MTERF4: variants seen among roughly 807,000 people sequenced by gnomAD.
MTERF4 encodes mitochondrial transcription termination factor 4.
A neutral mutation model predicts 22.5 loss-of-function variants in MTERF4; 17 were observed. The ratio of observed to expected loss-of-function variants is 0.75; its 90% confidence interval spans 0.52 to 1.13. The LOEUF is 1.13. Among genes scored for constraint, MTERF4 ranks in the 50% most tolerant of loss-of-function variants. The probability of loss-of-function intolerance (pLI) is 0.00; values close to 1 mark genes in which losing one functional copy is unlikely to be tolerated. For synonymous variants in MTERF4, 165 were observed against 175.3 expected, an observed-to-expected ratio of 0.94 and a Z score of 0.47; for missense variants, 420 against 466.8, an observed-to-expected ratio of 0.90 and a Z score of 0.92.
chr2:241,061,782 G>A, the MTERF4 span, among the ~76,000 whole-genome samples: 1 of 151,668 alleles, frequency 6.6e-6, no homozygotes, highest in Non-Finnish European at 1.5e-5. Flanking sequence ...CTACTCGGGA[G>A]GCGGAGGTTG....
At chr2:241,090,595 CAAACACAA>C, downstream of MTERF4, 2 of 979,252 alleles carry the variant, frequency 2.0e-6, no homozygotes, top group Middle Eastern at 3.6e-4. Flanking sequence ...AGCATCACCA[CAAACACAA>C]AAAGAATTAT....
At chr2:241,077,557 C>A (rs1027069892) in intron 4 of MTERF4, among the ~76,000 whole-genome samples, 1 of 152,008 alleles carries the variant, frequency 6.6e-6, no homozygotes, top group Non-Finnish European at 1.5e-5. Flanking sequence ...GCTCTGACAA[C>A]TGAACAATAA....
chr2:241,071,431 C>T (rs1216606189), downstream of MTERF4: 3 of 926,002 alleles, frequency 3.2e-6, no homozygotes, highest in Non-Finnish European at 4.9e-6. Flanking sequence ...GCCACAAGCA[C>T]CTTGGATGAC....
chr2:241,069,697 A>G (rs1039981973), downstream of MTERF4, among the ~76,000 whole-genome samples: 2 of 151,942 alleles, frequency 1.3e-5, no homozygotes, highest in Non-Finnish European at 2.9e-5. The surrounding 1 kb of genome is among the most constrained non-coding windows in gnomAD (Gnocchi z 4.9). Flanking sequence ...GGTGGATCCT[A>G]ACCCGAGGGG....
rs139329946 is a variant in MTERF4, at chr2:241,078,769, T to C, written n.480-3087A>G. 1.3e-3 allele frequency among the ~76,000 whole-genome samples: 199 copies of C among 151,866 alleles called. 9 individuals are homozygous for C. Among genetic ancestry groups the C allele is most frequent in the African/African-American group, 4.5e-3 (187 of 41,170 alleles). On this transcript the variant is annotated intron_variant and non_coding_transcript_variant, in intron 4 of 4. Transcript: ENST00000464344. Reference sequence around the variant, plus strand: ...GCTTAAAACCAATAAATTGTACACTTTGGGTGAATTTTATGTTATATGAAT... The same window carrying C: ...GCTTAAAACCAATAAATTGTACACTCTGGGTGAATTTTATGTTATATGAAT...
At chr2:241,089,818 A>T (rs1180816860), downstream of MTERF4, among the ~76,000 whole-genome samples, 1 of 152,278 alleles carries the variant, frequency 6.6e-6, no homozygotes, top group Non-Finnish European at 1.5e-5. Flanking sequence ...GGCACCGCGT[A>T]CTGCGCACCT....
chr2:241,064,351 C>G, the MTERF4 span, among the ~76,000 whole-genome samples: 1 of 152,156 alleles, frequency 6.6e-6, no homozygotes, highest in Non-Finnish European at 1.5e-5. The surrounding 1 kb of genome is among the most constrained non-coding windows in gnomAD (Gnocchi z 7.0). Flanking sequence ...TGCGCTCACC[C>G]CCCAGACACC....
At chr2:241,088,278 TCAGCAGG>T (rs2063687714), downstream of MTERF4, 1 of 927,702 alleles carries the variant, frequency 1.1e-6, no homozygotes, top group African/African-American at 1.6e-5. Context: ...AGACAGGATC[TCAGCAGG>T]CAGCCTGGAC....
At chr2:241,051,448 T>G in the MTERF4 span, 1 of 326,800 alleles carries the variant, frequency 3.1e-6, no homozygotes, top group African/African-American at 2.1e-5. The surrounding 1 kb of genome is among the most constrained non-coding windows in gnomAD (Gnocchi z 4.7). Flanking sequence ...CCCGCTGCAG[T>G]GTTGGGGCCG....
chr2:241,099,776 G>C lies in MTERF4; in HGVS notation c.140C>G (p.Ser47Cys). Reference protein sequence around the residue: ...ASLLRKLTTASNGGVIEELSC... With the variant: ...ASLLRKLTTACNGGVIEELSC... ...TAACTCCTCAATGACCCCTCCATTG[G>C]AGGCTGTAGTCAGTTTGCGCAACAA... Residue 47 changes from serine to cysteine, a missense_variant, in exon 2 of 4, where the codon TCC becomes TGC. Transcript: ENST00000391980. 1 of 1,614,154 alleles carries C rather than the reference G, an allele frequency of 6.2e-7. No individual in the cohort carries two copies. The highest frequency in any genetic ancestry group is 1.1e-5 in the South Asian group (1 of 91,076).
chr2:241,062,638 G>A, the MTERF4 span, among the ~76,000 whole-genome samples: 2 of 152,156 alleles, frequency 1.3e-5, no homozygotes, highest in African/African-American at 4.8e-5. Flanking sequence ...GCCCTGCCCC[G>A]ACTCCAAGGA....
intron 4 of MTERF4, among the ~76,000 whole-genome samples, chr2:241,079,615 A>C (rs2125293299): frequency 6.6e-6 from 1 of 152,302 alleles, no homozygotes; most frequent in East Asian, 1.9e-4. Flanking sequence ...ACCTTGTTTT[A>C]CAGTTTTGAC....
intron 2 of MTERF4, among the ~76,000 whole-genome samples, chr2:241,098,265 G>C (rs1307460997): frequency 1.3e-5 from 2 of 152,272 alleles, no homozygotes; most frequent in South Asian, 2.1e-4. Flanking sequence ...AATATATTTA[G>C]ACTTTTAGAT....
At chr2:241,068,039 G>A, downstream of MTERF4, 3 of 1,196,008 alleles carry the variant, frequency 2.5e-6, no homozygotes, top group South Asian at 2.9e-5. This position sits in a 1 kb window ranked among gnomAD's most constrained non-coding sequence, Gnocchi z 5.3. Context: ...CATTCTCCGT[G>A]TGTGGACTGT....
At chr2:241,069,974 A>G (rs1368840285), downstream of MTERF4, 2 of 1,612,944 alleles carry the variant, frequency 1.2e-6, no homozygotes, top group Non-Finnish European at 1.7e-6. This position sits in a 1 kb window ranked among gnomAD's most constrained non-coding sequence, Gnocchi z 4.9. Context: ...ACCTCTGCCC[A>G]CGTGGTCTGG....
At chr2:241,101,490 C>T (rs928932619) in intron 1 of MTERF4, among the ~76,000 whole-genome samples, 3 of 152,224 alleles carry the variant, frequency 2.0e-5, no homozygotes, top group African/African-American at 7.2e-5. Flanking sequence ...GTTGGGGAAC[C>T]CCTGCTCTAA....
chr2:241,065,508 G>T, the MTERF4 span: 1 of 1,612,910 alleles, frequency 6.2e-7, no homozygotes, highest in African/African-American at 1.3e-5. Flanking sequence ...GGCCGGCAGG[G>T]CCTACAACAT....
At chr2:241,099,189 C>T (rs1009379800) in intron 2 of MTERF4, 1 of 552,004 alleles carries the variant, frequency 1.8e-6, no homozygotes, top group Admixed American at 3.4e-5. Context: ...ATTTTCATGC[C>T]TCAGCCTCCC....
the MTERF4 span, among the ~76,000 whole-genome samples, chr2:241,060,792 G>T: frequency 6.6e-6 from 1 of 152,068 alleles, no homozygotes; most frequent in Non-Finnish European, 1.5e-5. Context: ...TTAACCAGGC[G>T]TAGTGGCATG....
Sources: allele counts gnomAD v4.1 joint callset (sites outside exome capture counted in the v4.1 genomes callset), GRCh38; gene constraint gnomAD v4.1.1; non-coding constraint Gnocchi (gnomAD v3.1); transcripts MANE v1.5; gene names NCBI Gene and HGNC (gene_info 2026-07-23, HGNC 2026-07-21).